The following IL7 variants were observed in gnomAD, a reference collection of about 807,000 sequenced individuals.
The protein encoded by IL7 is interleukin 7.
In IL7, 3 loss-of-function variants were observed where a neutral mutation model predicts 21.6. The observed-to-expected ratio is 0.14, with a 90% CI of 0.06 to 0.36. The LOEUF is 0.36. Among genes scored for constraint, IL7 ranks in the 10% least tolerant of loss-of-function variants. The pLI is 1.00. For missense variants in IL7, 175 were observed against 200.2 expected, an observed-to-expected ratio of 0.87 and a Z score of 0.76; for synonymous variants, 62 against 68.1, an observed-to-expected ratio of 0.91 and a Z score of 0.44.
chr8:78,708,374 C>T (rs192309245), intron 3 of IL7, among the ~76,000 whole-genome samples: 202 of 152,024 alleles, frequency 1.3e-3, no homozygotes, highest in African/African-American at 4.7e-3. Context: ...TGGTTGTTTG[C>T]TTCTAGACAG....
At chr8:78,688,509 C>A (rs1252751014) in intron 3 of IL7, among the ~76,000 whole-genome samples, 1 of 152,050 alleles carries the variant, frequency 6.6e-6, no homozygotes, top group African/African-American at 2.4e-5. Context: ...AATTAAGATT[C>A]TTTTTTGACA....
intron 2 of IL7, among the ~76,000 whole-genome samples, chr8:78,787,181 C>T (rs530819616): frequency 6.6e-6 from 1 of 152,112 alleles, no homozygotes; most frequent in Non-Finnish European, 1.5e-5. Context: ...ACCCAAGGAG[C>T]AGGTTGTGGG....
intron 2 of IL7, among the ~76,000 whole-genome samples, chr8:78,795,291 G>A (rs952520407): frequency 1.3e-5 from 2 of 152,024 alleles, no homozygotes; most frequent in African/African-American, 4.8e-5. Flanking sequence ...TGCTCTACCA[G>A]TCATGTTGAC....
intron 2 of IL7, among the ~76,000 whole-genome samples, chr8:78,763,675 A>T (rs1056699090): frequency 6.6e-6 from 1 of 152,206 alleles, no homozygotes; most frequent in African/African-American, 2.4e-5. Context: ...GAAAATAAAT[A>T]AAAAATGATG....
In IL7 at chr8:78,799,461, T is replaced by A. The variant is rs547675745; in HGVS notation, c.11-1253A>T. Among the ~76,000 whole-genome samples the A allele has an allele frequency of 2.0e-5, 3 of 152,234 alleles. No individual in the cohort carries two copies. In the South Asian group the frequency reaches 6.2e-4, roughly 32 times the overall value. On this transcript the variant is annotated intron_variant, in intron 1 of 5. Coordinates refer to ENST00000263851, the MANE Select transcript of IL7 (RefSeq NM_000880.4). The stretch of plus-strand genomic sequence containing the variant: ...ATAAATCTAACTTCTCATCTGCATA[T>A]GTGACAACATAGTAAGAGAAACAAA...
At chr8:78,798,236 C>A in intron 1 of IL7, 28 bp from the exon 2 acceptor site, 1 of 1,552,214 alleles carries the variant, frequency 6.4e-7, no homozygotes, top group Non-Finnish European at 8.9e-7. Flanking sequence ...TAAGAATGAG[C>A]TAAATGTTAT....
intron 4 of IL7, among the ~76,000 whole-genome samples, chr8:78,680,068 A>T (rs1809718660): frequency 6.6e-6 from 1 of 152,104 alleles, no homozygotes; most frequent in Admixed American, 6.5e-5. Flanking sequence ...ATTTAATGTA[A>T]TTATGCTTCT....
At chr8:78,720,958 GGAGC>G (rs1266616903) in intron 5 of IL7, 2 of 151,728 alleles carry the variant, frequency 1.3e-5, no homozygotes, top group African/African-American at 2.4e-5. Flanking sequence ...TATTTAAATA[GGAGC>G]TAATAAGTGG....
chr8:78,802,522 C>T (rs1814104118), intron 1 of IL7, among the ~76,000 whole-genome samples: 2 of 151,986 alleles, frequency 1.3e-5, no homozygotes, highest in South Asian at 4.2e-4. Context: ...CCTCAGCCTC[C>T]CAGGTTCAAG....
intron 2 of IL7, among the ~76,000 whole-genome samples, chr8:78,750,365 A>G (rs1812125969): frequency 2.0e-5 from 3 of 152,120 alleles, no homozygotes; most frequent in Admixed American, 1.3e-4. Context: ...AGGCCTGTTT[A>G]TCACAGTTTC....
chr8:78,699,545 G>T (rs1229276983), intron 3 of IL7, among the ~76,000 whole-genome samples: 2 of 152,006 alleles, frequency 1.3e-5, no homozygotes, highest in Non-Finnish European at 2.9e-5. Flanking sequence ...GGAGTTTGTT[G>T]TATGCATTAT....
chr8:78,726,733 A>G (rs150337611), intron 3 of IL7, among the ~76,000 whole-genome samples: 41 of 152,030 alleles, frequency 2.7e-4, no homozygotes, highest in African/African-American at 9.4e-4. Context: ...AAAATGATCA[A>G]TTTCCTTAAT....
intron 2 of IL7, among the ~76,000 whole-genome samples, chr8:78,752,462 T>A (rs1294101318): frequency 1.3e-5 from 2 of 152,218 alleles, no homozygotes; most frequent in Admixed American, 1.3e-4. Context: ...ATAATAGCCA[T>A]TCTGACAGGT....
chr8:78,697,416 C>T (rs1390338258), intron 3 of IL7: 2 of 1,597,706 alleles, frequency 1.3e-6, no homozygotes, highest in Admixed American at 3.6e-5. Context: ...GTATAAGCCA[C>T]CCGCACTTAA....
chr8:78,804,888 G>A, intron 1 of IL7, 25 bp downstream of exon 1: 1 of 1,612,788 alleles, frequency 6.2e-7, no homozygotes, highest in Non-Finnish European at 8.5e-7. Flanking sequence ...GCGCGAACTT[G>A]TGCGCAAGGG....
chr8:78,684,239 C>A (rs750964245), intron 4 of IL7, among the ~76,000 whole-genome samples: 3 of 152,120 alleles, frequency 2.0e-5, no homozygotes, highest in Non-Finnish European at 4.4e-5. Flanking sequence ...TGAGACTAGG[C>A]AATTTATAAA....
intron 3 of IL7, among the ~76,000 whole-genome samples, chr8:78,709,334 A>C (rs1008802680): frequency 6.6e-6 from 1 of 152,212 alleles, no homozygotes; most frequent in African/African-American, 2.4e-5. Flanking sequence ...TTTTATATGA[A>C]TAGGAAACAT....
At chr8:78,797,812 C>A in intron 2 of IL7, 1 of 285,650 alleles carries the variant, frequency 3.5e-6, no homozygotes, top group Non-Finnish European at 6.6e-6. Flanking sequence ...CTGAATTATG[C>A]TTACAAGAAA....
intron 3 of IL7, among the ~76,000 whole-genome samples, chr8:78,739,413 G>C (rs1195256900): frequency 2.0e-5 from 3 of 152,116 alleles, no homozygotes; most frequent in Admixed American, 1.3e-4. Flanking sequence ...AAATTTAGAG[G>C]CCAGGCACCG....
Sources: gnomAD v4.1 joint callset for allele counts (sites outside exome capture counted in the v4.1 genomes callset) on GRCh38, gnomAD v4.1.1 for gene constraint, MANE v1.5 for transcripts, NCBI Gene and HGNC (gene_info 2026-07-23, HGNC 2026-07-21) for gene names.